SLC30A8: variants seen among roughly 807,000 people sequenced by gnomAD.
The protein encoded by SLC30A8 is proton-coupled zinc antiporter SLC30A8.
SLC30A8 carries 27 observed loss-of-function variants against 36.9 expected under a neutral mutation model. The ratio of observed to expected loss-of-function variants is 0.73; its 90% CI spans 0.54 to 1.01. SLC30A8 has a LOEUF of 1.01. Ranked by LOEUF, SLC30A8 falls within the 50% of genes least tolerant of loss-of-function variation. The pLI is 0.00. For missense variants in SLC30A8, 439 were observed against 452.0 expected, an observed-to-expected ratio of 0.97 and a Z score of 0.26; for synonymous variants, 164 against 172.4, an observed-to-expected ratio of 0.95 and a Z score of 0.38.
At chr8:117,121,543 GA>G (rs1820695413) in intron 2 of SLC30A8, among the ~76,000 whole-genome samples, 1 of 151,754 alleles carries the variant, frequency 6.6e-6, no homozygotes, top group African/African-American at 2.4e-5. Flanking sequence ...CTTTTATAAG[GA>G]CACCAATCTC....
At chr8:117,095,382 A>G (rs1819312753) in intron 2 of SLC30A8, among the ~76,000 whole-genome samples, 1 of 152,198 alleles carries the variant, frequency 6.6e-6, no homozygotes, top group Admixed American at 6.5e-5. Flanking sequence ...GTAACATATT[A>G]CTAGTTAGTA....
At chr8:116,970,760 A>G (rs1814766362) in intron 1 of SLC30A8, among the ~76,000 whole-genome samples, 1 of 152,184 alleles carries the variant, frequency 6.6e-6, no homozygotes, top group Non-Finnish European at 1.5e-5. Flanking sequence ...GCTGACATAC[A>G]TAGCCTCAGA....
chr8:116,977,521 T>G (rs2130634060), intron 1 of SLC30A8, among the ~76,000 whole-genome samples: 1 of 148,344 alleles, frequency 6.7e-6, no homozygotes, highest in Admixed American at 6.7e-5. Context: ...TTTTTTTTTT[T>G]TTTTTTTTGA....
intron 1 of SLC30A8, among the ~76,000 whole-genome samples, chr8:117,038,155 T>G (rs1477264008): frequency 6.6e-6 from 1 of 152,200 alleles, no homozygotes; most frequent in Non-Finnish European, 1.5e-5. Flanking sequence ...TCAAAACTAA[T>G]ATGGATACTC....
upstream of SLC30A8, chr8:116,950,856 C>T (rs1369432281): frequency 6.6e-6 from 1 of 152,214 alleles, no homozygotes; most frequent in East Asian, 1.9e-4. Context: ...TTACCAACTG[C>T]TTTCCAGTTT....
chr8:117,092,970 C>T (rs772686724), intron 2 of SLC30A8, among the ~76,000 whole-genome samples: 1 of 152,100 alleles, frequency 6.6e-6, no homozygotes, highest in Non-Finnish European at 1.5e-5. Context: ...TGTCATATAT[C>T]CCCTGTGTCA....
At chr8:117,009,721 A>G (rs563108199) in intron 1 of SLC30A8, among the ~76,000 whole-genome samples, 9 of 152,338 alleles carry the variant, frequency 5.9e-5, no homozygotes, top group African/African-American at 1.9e-4. Context: ...GGGAGACAGA[A>G]AAGAGTAAAC....
At chr8:116,979,341 C>T (rs1194208057) in intron 1 of SLC30A8, among the ~76,000 whole-genome samples, 1 of 150,968 alleles carries the variant, frequency 6.6e-6, no homozygotes, top group East Asian at 1.9e-4. Context: ...TTTACTCCAA[C>T]GTTATCCTCC....
At chr8:117,035,020 C>T (rs60486060) in intron 1 of SLC30A8, among the ~76,000 whole-genome samples, 64,666 of 151,920 alleles carry the variant, frequency 0.43, 14,322 homozygotes, top group East Asian at 0.55. Flanking sequence ...GTCTCTCTCT[C>T]GACACTGTGG....
At chr8:116,978,593 C>G (rs1369356824) in intron 1 of SLC30A8, among the ~76,000 whole-genome samples, 3 of 152,106 alleles carry the variant, frequency 2.0e-5, no homozygotes, top group African/African-American at 7.2e-5. Flanking sequence ...TCTCTTTTCT[C>G]TCTTATTACA....
At position 117,148,950 on chromosome 8, in the gene SLC30A8, C is replaced by CT. The variant is rs199895116; in HGVS notation, c.271+1802dup. Among the ~76,000 whole-genome samples, 1,315 of 152,210 alleles carry CT rather than the reference C, an allele frequency of 8.6e-3. 18 individuals are homozygous for CT. Among genetic ancestry groups the CT allele is most frequent in the African/African-American group, 0.03 (1,234 of 41,538 alleles). ...TCTAAATATATTTCAGTGCATTTCC[C>CT]TTTTTCCTGTCTCATGGATCTTCCT... On this transcript the variant is annotated intron_variant, in intron 2 of 7. Transcript: ENST00000456015.
intron 1 of SLC30A8, chr8:117,017,921 T>C (rs1016764564): frequency 6.6e-6 from 1 of 152,250 alleles, no homozygotes; most frequent in African/African-American, 2.4e-5. Context: ...AGGTTTCTTG[T>C]AACCATATTT....
intron 1 of SLC30A8, among the ~76,000 whole-genome samples, chr8:117,037,966 C>G (rs889939041): frequency 6.6e-6 from 1 of 152,196 alleles, no homozygotes; most frequent in Admixed American, 6.5e-5. Flanking sequence ...ATTGAATTCA[C>G]TGCAGATTCA....
intron 6 of SLC30A8, among the ~76,000 whole-genome samples, chr8:117,165,118 A>G (rs925448813): frequency 5.3e-5 from 8 of 152,210 alleles, no homozygotes; most frequent in African/African-American, 1.4e-4. Context: ...TCTTTGTATC[A>G]GACCCACCTC....
intron 1 of SLC30A8, among the ~76,000 whole-genome samples, chr8:117,020,203 A>G (rs140505287): frequency 5.3e-3 from 808 of 152,332 alleles, no homozygotes; most frequent in Non-Finnish European, 8.9e-3. Flanking sequence ...AATTAGCCCT[A>G]CATTTGGCTA....
At chr8:117,150,740 G>A (rs1214684885) in intron 2 of SLC30A8, among the ~76,000 whole-genome samples, 1 of 152,032 alleles carries the variant, frequency 6.6e-6, no homozygotes, top group Non-Finnish European at 1.5e-5. Flanking sequence ...CGAGTAGCTG[G>A]GACTACAGTC....
chr8:117,011,322 C>T (rs947607520), intron 1 of SLC30A8, among the ~76,000 whole-genome samples: 3 of 152,140 alleles, frequency 2.0e-5, no homozygotes, highest in Non-Finnish European at 4.4e-5. Flanking sequence ...GGAGTCTTGA[C>T]CAACGTTTCA....
intron 1 of SLC30A8, among the ~76,000 whole-genome samples, chr8:116,976,401 GGA>G (rs1038312761): frequency 3.3e-5 from 5 of 152,086 alleles, no homozygotes; most frequent in African/African-American, 1.2e-4. Context: ...ACCACTGCAT[GGA>G]ACTGATTGGA....
chr8:117,150,508 C>T (rs1225856584), intron 2 of SLC30A8, among the ~76,000 whole-genome samples: 1 of 152,232 alleles, frequency 6.6e-6, no homozygotes, highest in Non-Finnish European at 1.5e-5. Context: ...AAGTGTACTG[C>T]TCTGCACATC....
Sources: allele counts gnomAD v4.1 joint callset (sites outside exome capture counted in the v4.1 genomes callset), GRCh38; gene constraint gnomAD v4.1.1; transcripts MANE v1.5; gene names NCBI Gene and HGNC (gene_info 2026-07-23, HGNC 2026-07-21).